Variants in LARGE1 observed in about 807,000 individuals in gnomAD.
LARGE1 encodes xylosyl- and glucuronyltransferase LARGE1.
Under a neutral mutation model 87.6 loss-of-function variants are expected in LARGE1, and 43 were observed. The ratio of observed to expected loss-of-function variants is 0.49; its 90% CI spans 0.38 to 0.63. LARGE1 has a LOEUF of 0.63. Among genes scored for constraint, LARGE1 ranks in the 30% least tolerant of loss-of-function variants. The pLI, the probability that LARGE1 is intolerant of heterozygous loss-of-function variation, is 0.00. For synonymous variants in LARGE1, 434 were observed against 394.6 expected (o/e 1.10, Z -1.18); for missense variants, 802 against 1,000.2 (o/e 0.80, Z 2.67).
intron 2 of LARGE1, among the ~76,000 whole-genome samples, chr22:33,760,477 T>G (rs1332562673): frequency 6.6e-6 from 1 of 152,118 alleles, no homozygotes; most frequent in Non-Finnish European, 1.5e-5. Context: ...AACAAACCTC[T>G]CCCACAGCAC....
At chr22:33,743,917 GA>G (rs1247787489) in intron 2 of LARGE1, 14 of 152,290 alleles carry the variant, frequency 9.2e-5, no homozygotes, top group African/African-American at 3.1e-4. Context: ...GAGATTCAAT[GA>G]GAAAGTGAGC....
intron 6 of LARGE1, among the ~76,000 whole-genome samples, chr22:33,497,096 C>T (rs188916779): frequency 1.3e-4 from 19 of 141,876 alleles, no homozygotes; most frequent in Non-Finnish European, 2.1e-4. Context: ...TTCTTGGAGA[C>T]GGAGTCTCAC....
At chr22:33,819,948 G>A (rs762615110) in intron 1 of LARGE1, among the ~76,000 whole-genome samples, 1 of 152,130 alleles carries the variant, frequency 6.6e-6, no homozygotes, top group Non-Finnish European at 1.5e-5. Context: ...GGCCCTACCC[G>A]CAGGTAATGC....
intron 11 of LARGE1, among the ~76,000 whole-genome samples, chr22:33,190,291 T>C (rs940978187): frequency 6.6e-6 from 1 of 152,078 alleles, no homozygotes; most frequent in African/African-American, 2.4e-5. Context: ...ATAGAGTACA[T>C]AAAAAGAACA....
At chr22:33,882,035 GTTTTTTTTTGTTTTTT>G (rs2064703090) in intron 1 of LARGE1, among the ~76,000 whole-genome samples, 1 of 144,228 alleles carries the variant, frequency 6.9e-6, no homozygotes, top group South Asian at 2.2e-4. Context: ...TTTTGTTTTT[GTTTTTTTTTGTTTTTT>G]TTTTTTTTTG....
intron 6 of LARGE1, among the ~76,000 whole-genome samples, chr22:33,510,976 C>T (rs184186675): frequency 1.3e-3 from 195 of 152,296 alleles, no homozygotes; most frequent in African/African-American, 4.4e-3. Flanking sequence ...AGAAGGCAAG[C>T]ATATATACAA....
chr22:33,349,382 T>A (rs1382094282), intron 9 of LARGE1, among the ~76,000 whole-genome samples: 1 of 152,210 alleles, frequency 6.6e-6, no homozygotes, highest in Non-Finnish European at 1.5e-5. Flanking sequence ...CTGCAGCAGA[T>A]CCATGCTCAG....
chr22:33,374,648 C>T (rs1178360061), intron 9 of LARGE1, among the ~76,000 whole-genome samples: 1 of 152,160 alleles, frequency 6.6e-6, no homozygotes, highest in Non-Finnish European at 1.5e-5. Flanking sequence ...ATGTATCTCT[C>T]ATCTTGTAGA....
chr22:33,881,242 C>T (rs1439566046), intron 1 of LARGE1, among the ~76,000 whole-genome samples: 1 of 152,164 alleles, frequency 6.6e-6, no homozygotes, highest in African/African-American at 2.4e-5. Flanking sequence ...CAACACGCTG[C>T]ATGGCTTACT....
chr22:33,633,420 C>T (rs1004941687), intron 3 of LARGE1, among the ~76,000 whole-genome samples: 2 of 152,178 alleles, frequency 1.3e-5, no homozygotes, highest in Non-Finnish European at 2.9e-5. Flanking sequence ...AAACCTGAAA[C>T]ATAAAGTTCT....
chr22:33,560,187 G>C (rs772935609), intron 6 of LARGE1, among the ~76,000 whole-genome samples: 36 of 152,128 alleles, frequency 2.4e-4, no homozygotes, highest in Admixed American at 1.2e-3. Flanking sequence ...TCTAAAATAG[G>C]AACATCAACA....
chr22:33,576,367 A>G (rs1399912546), intron 5 of LARGE1, among the ~76,000 whole-genome samples: 4 of 152,176 alleles, frequency 2.6e-5, no homozygotes, highest in Admixed American at 6.5e-5. Flanking sequence ...GATTGCTTTG[A>G]GGAAATAACA....
chr22:33,088,012 C>T, the LARGE1 span, among the ~76,000 whole-genome samples: 9 of 152,182 alleles, frequency 5.9e-5, 1 homozygote, highest in South Asian at 1.9e-3. Context: ...AATAGCCACA[C>T]GTAGCCAGAG....
chr22:33,333,318 G>A (rs569888429), intron 10 of LARGE1, among the ~76,000 whole-genome samples: 3 of 152,132 alleles, frequency 2.0e-5, no homozygotes, highest in Admixed American at 2.0e-4. Context: ...GTGCTGGGCC[G>A]GGGCAATGTC....
chr22:33,666,235 A>C (rs371769655), intron 2 of LARGE1, among the ~76,000 whole-genome samples: 3 of 152,208 alleles, frequency 2.0e-5, no homozygotes, highest in African/African-American at 7.2e-5. Flanking sequence ...CAGTCTGCTG[A>C]ACTCTACCAA....
At chr22:33,250,433 T>C (rs533117564) in intron 11 of LARGE1, among the ~76,000 whole-genome samples, 1 of 152,320 alleles carries the variant, frequency 6.6e-6, no homozygotes, top group East Asian at 1.9e-4. Flanking sequence ...TTCTTTTGGA[T>C]TTTCTACACA....
chr22:33,474,154 T>TTTTA (rs758851487), intron 6 of LARGE1, among the ~76,000 whole-genome samples: 50 of 152,164 alleles, frequency 3.3e-4, no homozygotes, highest in Non-Finnish European at 5.6e-4. Flanking sequence ...AGTCTTTTAT[T>TTTTA]TTTATTTATT....
At chr22:33,867,607 C>T (rs1649985727) in intron 1 of LARGE1, among the ~76,000 whole-genome samples, 1 of 152,172 alleles carries the variant, frequency 6.6e-6, no homozygotes, top group African/African-American at 2.4e-5. Flanking sequence ...AATCTGAAAG[C>T]TCTGTTTCAT....
At chr22:33,149,384 T>G in the LARGE1 span, among the ~76,000 whole-genome samples, 5 of 152,118 alleles carry the variant, frequency 3.3e-5, no homozygotes, top group African/African-American at 1.2e-4. Flanking sequence ...AGTTTTAGAT[T>G]TAATAAGGCC....
Sources: allele counts gnomAD v4.1 joint callset (sites outside exome capture counted in the v4.1 genomes callset), GRCh38; gene constraint gnomAD v4.1.1; transcripts MANE v1.5; gene names NCBI Gene and HGNC (gene_info 2026-07-23, HGNC 2026-07-21).